ACTR3C: variants seen among roughly 807,000 people sequenced by gnomAD.
The protein encoded by ACTR3C is actin related protein 3C, also known as actin-related protein 3C.
A neutral mutation model predicts 26.3 loss-of-function variants in ACTR3C; 18 were observed. That is an observed-to-expected ratio of 0.68 (90% CI 0.47 to 1.01). The LOEUF is 1.01. Ranked by LOEUF, ACTR3C falls within the 50% of genes least tolerant of loss-of-function variation. The pLI is 0.00. For synonymous variants in ACTR3C, 55 were observed against 94.5 expected (o/e 0.58, Z 2.42); for missense variants, 184 against 250.7 (o/e 0.73, Z 1.80).
the ACTR3C span, among the ~76,000 whole-genome samples, chr7:149,936,160 C>T: frequency 6.6e-6 from 1 of 152,162 alleles, no homozygotes; most frequent in African/African-American, 2.4e-5. Context: ...AGCTAGTTTT[C>T]AAGTCCCCCA....
At chr7:150,222,041 T>C in the ACTR3C span, among the ~76,000 whole-genome samples, 10 of 146,602 alleles carry the variant, frequency 6.8e-5, no homozygotes, top group East Asian at 1.9e-3. Flanking sequence ...ACATTGTCCA[T>C]TTAAAAGTAA....
the ACTR3C span, among the ~76,000 whole-genome samples, chr7:150,206,412 TTTTA>T: frequency 2.6e-5 from 4 of 151,998 alleles, no homozygotes; most frequent in African/African-American, 7.2e-5. Flanking sequence ...GTTTTTTTTA[TTTTA>T]TTATTATTTT....
the ACTR3C span, among the ~76,000 whole-genome samples, chr7:150,135,314 T>C: frequency 2.6e-5 from 4 of 152,224 alleles, no homozygotes; most frequent in Admixed American, 2.6e-4. Context: ...AATTAGTGCA[T>C]GGAGAATGGT....
the ACTR3C span, among the ~76,000 whole-genome samples, chr7:150,067,419 C>A: frequency 1.3e-5 from 2 of 152,212 alleles, no homozygotes; most frequent in South Asian, 4.2e-4. Flanking sequence ...GGGGACAAAG[C>A]AGACATAAGC....
At chr7:150,221,763 G>C in the ACTR3C span, among the ~76,000 whole-genome samples, 2 of 152,136 alleles carry the variant, frequency 1.3e-5, no homozygotes, top group Non-Finnish European at 2.9e-5. Context: ...GGGAGGCCGA[G>C]GAGGGCGGAT....
chr7:149,962,871 G>A, the ACTR3C span, among the ~76,000 whole-genome samples: 1 of 152,196 alleles, frequency 6.6e-6, no homozygotes, highest in East Asian at 1.9e-4. Flanking sequence ...ACTGCCCATA[G>A]TGGGAGGAAG....
chr7:150,205,657 CT>C, the ACTR3C span, among the ~76,000 whole-genome samples: 1 of 152,320 alleles, frequency 6.6e-6, no homozygotes, highest in East Asian at 1.9e-4. Flanking sequence ...GCAACATCAT[CT>C]TTTTTTCCTT....
chr7:149,994,081 G>C, the ACTR3C span, among the ~76,000 whole-genome samples: 1 of 152,060 alleles, frequency 6.6e-6, no homozygotes, highest in Non-Finnish European at 1.5e-5. Context: ...AGAAACAGGA[G>C]GTTTTATAGT....
chr7:150,174,671 T>A, the ACTR3C span, among the ~76,000 whole-genome samples: 1 of 140,326 alleles, frequency 7.1e-6, no homozygotes, highest in Non-Finnish European at 1.5e-5. Context: ...ACTGACAAAA[T>A]TCACTCAATA....
At chr7:149,926,878 C>T in the ACTR3C span, among the ~76,000 whole-genome samples, 11 of 151,782 alleles carry the variant, frequency 7.2e-5, no homozygotes, top group South Asian at 1.7e-3. Flanking sequence ...AAAATAAATG[C>T]GAAGATTATC....
At chr7:150,271,440 G>A (rs1481043751) in intron 6 of ACTR3C, among the ~76,000 whole-genome samples, 1 of 151,324 alleles carries the variant, frequency 6.6e-6, no homozygotes, top group Non-Finnish European at 1.5e-5. Context: ...GCAGTGTTTG[G>A]TTTTCTGTTC....
the ACTR3C span, among the ~76,000 whole-genome samples, chr7:150,020,624 C>A: frequency 6.6e-6 from 1 of 151,936 alleles, no homozygotes; most frequent in Non-Finnish European, 1.5e-5. Context: ...CACATTTTCT[C>A]CTCTCAATCT....
chr7:150,292,272 GA>G (rs1836332678), intron 3 of ACTR3C, among the ~76,000 whole-genome samples: 1 of 152,086 alleles, frequency 6.6e-6, no homozygotes, highest in Admixed American at 6.5e-5. Context: ...AAAGGAGAAA[GA>G]CCAGGATGAG....
chr7:150,230,040 C>A, the ACTR3C span, among the ~76,000 whole-genome samples: 1 of 150,104 alleles, frequency 6.7e-6, no homozygotes, highest in Admixed American at 6.6e-5. Context: ...GCCTGACCAA[C>A]ATGGCAAAAC....
At chr7:150,004,090 T>C in the ACTR3C span, among the ~76,000 whole-genome samples, 4 of 151,978 alleles carry the variant, frequency 2.6e-5, no homozygotes, top group Admixed American at 6.6e-5. Context: ...TTATGTGCTG[T>C]GTGTCGTGTG....
At chr7:150,071,252 T>C in the ACTR3C span, among the ~76,000 whole-genome samples, 1 of 151,714 alleles carries the variant, frequency 6.6e-6, no homozygotes, top group Admixed American at 6.6e-5. Context: ...GCCTCCCAAG[T>C]AGCTGGGACT....
the ACTR3C span, chr7:150,047,556 C>T: frequency 2.3e-6 from 2 of 876,324 alleles, no homozygotes; most frequent in Non-Finnish European, 2.8e-6. Context: ...CGTCTCGCTG[C>T]GCGCTCAGCC....
the ACTR3C span, among the ~76,000 whole-genome samples, chr7:149,913,928 C>G: frequency 2.0e-5 from 3 of 149,812 alleles, no homozygotes; most frequent in Non-Finnish European, 4.4e-5. Flanking sequence ...CTCTGTCACC[C>G]AAGCTGGAGT....
At chr7:150,241,521 A>G (rs1424058662), downstream of ACTR3C, among the ~76,000 whole-genome samples, 1 of 152,276 alleles carries the variant, frequency 6.6e-6, no homozygotes, top group African/African-American at 2.4e-5. Context: ...TTAGAAATAG[A>G]TCATGGGCTT....
Sources: allele counts gnomAD v4.1 joint callset (sites outside exome capture counted in the v4.1 genomes callset), GRCh38; gene constraint gnomAD v4.1.1; transcripts MANE v1.5; gene names NCBI Gene and HGNC (gene_info 2026-07-23, HGNC 2026-07-21).